The following XKR6 variants were observed in gnomAD, a reference collection of about 807,000 sequenced individuals.
The protein encoded by XKR6 is XK-related protein 6.
XKR6 carries 22 observed loss-of-function variants against 56.7 expected under a neutral mutation model. The observed-to-expected ratio is 0.39, with a 90% confidence interval of 0.28 to 0.55. The LOEUF is 0.55. Ranked by LOEUF, XKR6 falls within the 20% of genes least tolerant of loss-of-function variation. The pLI, the probability that XKR6 is intolerant of heterozygous loss-of-function variation, is 0.66. For missense variants in XKR6, 852 were observed against 889.0 expected (o/e 0.96, Z 0.53); for synonymous variants, 524 against 387.8 (o/e 1.35, Z -4.13).
chr8:10,974,241 A>G (rs2129134833), intron 1 of XKR6, among the ~76,000 whole-genome samples: 1 of 152,316 alleles, frequency 6.6e-6, no homozygotes, highest in Non-Finnish European at 1.5e-5. Context: ...AGCACTGGGC[A>G]TTTCTGGCTT....
At chr8:10,973,819 A>C (rs569485112) in intron 1 of XKR6, among the ~76,000 whole-genome samples, 8 of 152,274 alleles carry the variant, frequency 5.3e-5, no homozygotes, top group Admixed American at 2.6e-4. Flanking sequence ...TCATGAGCTC[A>C]AGCAATCCAC....
chr8:10,929,199 T>C (rs1450135189), intron 1 of XKR6, among the ~76,000 whole-genome samples: 2 of 152,226 alleles, frequency 1.3e-5, no homozygotes, highest in African/African-American at 4.8e-5. Context: ...TAAACAATAA[T>C]GCCTCATGTT....
chr8:10,919,093 A>G (rs542628217), intron 2 of XKR6, among the ~76,000 whole-genome samples: 51 of 152,080 alleles, frequency 3.4e-4, no homozygotes, highest in African/African-American at 9.9e-4. Flanking sequence ...GCTTTTCCCA[A>G]TTGGGGCCCT....
chr8:11,126,236 T>C (rs1799788341), intron 1 of XKR6, among the ~76,000 whole-genome samples: 1 of 151,982 alleles, frequency 6.6e-6, no homozygotes, highest in African/African-American at 2.4e-5. Flanking sequence ...GCCCGGCTAA[T>C]TTTTGTATTT....
intron 1 of XKR6, among the ~76,000 whole-genome samples, chr8:11,064,359 C>A (rs1287587674): frequency 6.6e-6 from 1 of 152,226 alleles, no homozygotes; most frequent in Non-Finnish European, 1.5e-5. Context: ...GTTTAACCAG[C>A]TGTTTCATCC....
chr8:10,960,268 G>A (rs958055968), intron 1 of XKR6, among the ~76,000 whole-genome samples: 1 of 151,568 alleles, frequency 6.6e-6, no homozygotes. Flanking sequence ...TAGCAGGTGG[G>A]TGCAGGTATA....
chr8:11,184,310 A>T (rs1345053612), intron 1 of XKR6, among the ~76,000 whole-genome samples: 1 of 152,092 alleles, frequency 6.6e-6, no homozygotes, highest in Non-Finnish European at 1.5e-5. Flanking sequence ...CAACTGGTGG[A>T]GATACTATGT....
At chr8:11,020,485 T>C (rs1798726084) in intron 1 of XKR6, among the ~76,000 whole-genome samples, 1 of 152,230 alleles carries the variant, frequency 6.6e-6, no homozygotes, top group Non-Finnish European at 1.5e-5. Context: ...CCCGTCCTTC[T>C]TAGGGTGCTT....
At chr8:10,901,647 G>A (rs1264584648) in intron 2 of XKR6, among the ~76,000 whole-genome samples, 1 of 152,164 alleles carries the variant, frequency 6.6e-6, no homozygotes, top group Non-Finnish European at 1.5e-5. Context: ...GGAGTTCTAT[G>A]GGAGCTGGGT....
intron 1 of XKR6, among the ~76,000 whole-genome samples, chr8:11,171,021 C>A (rs149400946): frequency 1.3e-5 from 2 of 152,310 alleles, no homozygotes; most frequent in Middle Eastern, 3.4e-3. Flanking sequence ...CTTGACTCTT[C>A]CTAGTTTAGA....
chr8:11,183,586 G>A (rs1484659564), intron 1 of XKR6, among the ~76,000 whole-genome samples: 1 of 151,816 alleles, frequency 6.6e-6, no homozygotes, highest in Non-Finnish European at 1.5e-5. Flanking sequence ...GCATCCCAAA[G>A]TGCTGGGATT....
At chr8:10,967,479 G>C (rs1274715650) in intron 1 of XKR6, among the ~76,000 whole-genome samples, 7 of 152,232 alleles carry the variant, frequency 4.6e-5, no homozygotes, top group Admixed American at 3.3e-4. Context: ...CGAAGAGGCT[G>C]TACAGGAGCC....
intron 1 of XKR6, chr8:11,137,533 G>A (rs1800466373): frequency 8.8e-6 from 4 of 456,208 alleles, no homozygotes; most frequent in Non-Finnish European, 1.8e-5. Context: ...CAACTGCTGC[G>A]GTATACCCAT....
chr8:11,182,841 G>A (rs1336833276), intron 1 of XKR6, among the ~76,000 whole-genome samples: 1 of 152,132 alleles, frequency 6.6e-6, no homozygotes. Context: ...TGTAAAACTG[G>A]AACTCTGTGC....
intron 1 of XKR6, among the ~76,000 whole-genome samples, chr8:10,977,115 A>G (rs1040105097): frequency 1.1e-4 from 17 of 152,304 alleles, no homozygotes; most frequent in Admixed American, 8.5e-4. Flanking sequence ...TGCATCCCCA[A>G]GAGACCTCGT....
At chr8:10,971,456 A>C (rs1425724746) in intron 1 of XKR6, among the ~76,000 whole-genome samples, 1 of 152,104 alleles carries the variant, frequency 6.6e-6, no homozygotes, top group African/African-American at 2.4e-5. Context: ...AATTTAATTT[A>C]ATTTGAAATA....
intron 2 of XKR6, among the ~76,000 whole-genome samples, chr8:10,903,838 T>C (rs575226988): frequency 1.3e-5 from 2 of 152,146 alleles, no homozygotes; most frequent in Non-Finnish European, 2.9e-5. Flanking sequence ...GACAGAACTG[T>C]GCACAGCCAC....
intron 1 of XKR6, among the ~76,000 whole-genome samples, chr8:11,113,057 A>T (rs552783969): frequency 5.9e-4 from 90 of 152,316 alleles, no homozygotes; most frequent in Non-Finnish European, 1.0e-3. Flanking sequence ...TGCCTTCTGT[A>T]GCACCCTCCA....
At chr8:11,040,338 A>C (rs1799254530) in intron 1 of XKR6, among the ~76,000 whole-genome samples, 1 of 149,630 alleles carries the variant, frequency 6.7e-6, no homozygotes, top group Non-Finnish European at 1.5e-5. Flanking sequence ...CCGGGGCAAC[A>C]TAAGCAGATC....
Sources: allele counts gnomAD v4.1 joint callset (sites outside exome capture counted in the v4.1 genomes callset), GRCh38; gene constraint gnomAD v4.1.1; transcripts MANE v1.5; gene names NCBI Gene and HGNC (gene_info 2026-07-23, HGNC 2026-07-21).